ACER1: variants seen among roughly 807,000 people sequenced by gnomAD.
ACER1 encodes the protein alkaline ceramidase 1.
Under a neutral mutation model 24.9 loss-of-function variants are expected in ACER1, and 28 were observed. The observed-to-expected ratio is 1.13, with a 90% CI of 0.83 to 1.54. The LOEUF is 1.54. ACER1 is among the 40% of genes most tolerant of loss of function. The pLI is 0.00. For synonymous variants in ACER1, 132 were observed against 131.4 expected, an observed-to-expected ratio of 1.00 and a Z score of -0.03; for missense variants, 352 against 349.3, an observed-to-expected ratio of 1.01 and a Z score of -0.06.
the ACER1 span, among the ~76,000 whole-genome samples, chr19:6,355,857 G>GC: frequency 2.7e-5 from 4 of 147,472 alleles, no homozygotes; most frequent in South Asian, 2.1e-4. Flanking sequence ...GGGGGGGTCA[G>GC]CCCCCCGCCC....
intron 1 of ACER1, among the ~76,000 whole-genome samples, chr19:6,329,951 AG>A (rs2091679448): frequency 6.6e-6 from 1 of 150,796 alleles, no homozygotes; most frequent in African/African-American, 2.4e-5. Context: ...GCTCACTGCA[AG>A]TTCCACCTAC....
chr19:6,318,790 A>G (rs11666057), intron 1 of ACER1, among the ~76,000 whole-genome samples: 1 of 19,654 alleles, frequency 5.1e-5, no homozygotes, highest in African/African-American at 1.6e-4. Context: ...CGTTTCAAAA[A>G]AAATAAATAA....
chr19:6,319,345 G>A (rs913865442), intron 1 of ACER1, among the ~76,000 whole-genome samples: 12 of 151,964 alleles, frequency 7.9e-5, no homozygotes, highest in African/African-American at 2.2e-4. Flanking sequence ...CAGCCCCCAC[G>A]TTCCCTGCTT....
chr19:6,352,249 T>C, the ACER1 span, among the ~76,000 whole-genome samples: 9,071 of 152,106 alleles, frequency 0.06, 391 homozygotes, highest in African/African-American at 0.12. Flanking sequence ...TGGGTTGGGC[T>C]ATGTGACTTG....
At chr19:6,327,559 C>T (rs916141047) in intron 1 of ACER1, among the ~76,000 whole-genome samples, 19 of 150,158 alleles carry the variant, frequency 1.3e-4, no homozygotes, top group African/African-American at 4.4e-4. Flanking sequence ...AGCGAGACTC[C>T]GTCTCAAAAT....
intron 1 of ACER1, among the ~76,000 whole-genome samples, chr19:6,316,630 C>G (rs2091604422): frequency 6.6e-6 from 1 of 151,816 alleles, no homozygotes; most frequent in Admixed American, 6.6e-5. Context: ...ACCAGCCTGG[C>G]CAACATGGTG....
the ACER1 span, among the ~76,000 whole-genome samples, chr19:6,347,109 A>AAAAAAAATATATATAT: frequency 2.6e-4 from 30 of 113,762 alleles, no homozygotes; most frequent in African/African-American, 1.5e-3. Flanking sequence ...AAAAAAAAAA[A>AAAAAAAATATATATAT]ATATATATAT....
the ACER1 span, among the ~76,000 whole-genome samples, chr19:6,359,309 A>C: frequency 5.5e-4 from 81 of 148,252 alleles, no homozygotes; most frequent in African/African-American, 2.0e-3. Context: ...GTCTCTCTGA[A>C]TCTGCTGTGA....
At chr19:6,333,686 G>A (rs2145022621), upstream of ACER1, 1 of 667,222 alleles carries the variant, frequency 1.5e-6, no homozygotes, top group South Asian at 1.9e-5. Context: ...AAAACCTGCT[G>A]GGCCGCTCCC....
intron 1 of ACER1, among the ~76,000 whole-genome samples, chr19:6,332,826 G>A (rs781168596): frequency 4.6e-5 from 7 of 151,904 alleles, no homozygotes; most frequent in Non-Finnish European, 1.0e-4. Context: ...GCCTGACACC[G>A]TACCCAGCTA....
chr19:6,316,689 G>T (rs1238806057), intron 1 of ACER1, among the ~76,000 whole-genome samples: 1 of 151,610 alleles, frequency 6.6e-6, no homozygotes, highest in South Asian at 2.1e-4. Flanking sequence ...GCATGGTGGT[G>T]CATGCCTATA....
chr19:6,316,617 G>A (rs1472685812), intron 1 of ACER1, among the ~76,000 whole-genome samples: 1 of 151,868 alleles, frequency 6.6e-6, no homozygotes, highest in South Asian at 2.1e-4. Context: ...CCAAGAGTTC[G>A]AGACCAGCCT....
Position 6,312,495 on chromosome 19 carries a change from G to C in ACER1, c.98C>G (p.Ser33Cys). 1 of 1,613,258 alleles carries C rather than the reference G, an allele frequency of 6.2e-7. No homozygotes were observed. The highest frequency in any genetic ancestry group is 1.7e-4 in the Middle Eastern group (1 of 6,056). Reference protein sequence around the residue: ...ELVAEFYNTFSNIPFFIFGPL... With the variant: ...ELVAEFYNTFCNIPFFIFGPL... ...CCCGAAGATGAAGAAGGGGATATTG[G>C]AGAACTGGAGCAGAGAGAGCCATAG... The change falls in exon 2 of 6, where the codon TCC becomes TGC. Residue 33 changes from serine to cysteine, a missense_variant. Coordinates refer to ENST00000301452, the MANE Select transcript of ACER1 (RefSeq NM_133492.3).
At chr19:6,328,718 G>A (rs1279461290) in intron 1 of ACER1, among the ~76,000 whole-genome samples, 3 of 151,862 alleles carry the variant, frequency 2.0e-5, no homozygotes, top group Non-Finnish European at 4.4e-5. Context: ...ACAGGCTGGA[G>A]TGCAGTGGCA....
chr19:6,329,185 G>A (rs900772416), intron 1 of ACER1, among the ~76,000 whole-genome samples: 3 of 151,534 alleles, frequency 2.0e-5, no homozygotes, highest in Non-Finnish European at 2.9e-5. Context: ...AAATAAACAC[G>A]AAAAGAAAAA....
intron 1 of ACER1, among the ~76,000 whole-genome samples, chr19:6,329,372 A>AT (rs2091676949): frequency 6.6e-6 from 1 of 151,436 alleles, no homozygotes; most frequent in South Asian, 2.1e-4. Flanking sequence ...ATAGAATAGA[A>AT]TAGAATAGAA....
At chr19:6,318,962 G>C (rs1017936531) in intron 1 of ACER1, among the ~76,000 whole-genome samples, 1 of 151,300 alleles carries the variant, frequency 6.6e-6, no homozygotes, top group Non-Finnish European at 1.5e-5. Flanking sequence ...GTTTCTCTTC[G>C]CTTGTATCAG....
upstream of ACER1, among the ~76,000 whole-genome samples, chr19:6,334,443 C>G (rs1600246813): frequency 6.6e-6 from 1 of 152,054 alleles, no homozygotes. Flanking sequence ...CTCCTGGGTT[C>G]AAGCGATTCT....
intron 3 of ACER1, 27 bp from the exon 4 acceptor site, chr19:6,309,861 G>A: frequency 6.2e-7 from 1 of 1,613,414 alleles, no homozygotes; most frequent in Non-Finnish European, 8.5e-7. Flanking sequence ...TCAGCTGTAG[G>A]CGGGAAGGGA....
Sources: gnomAD v4.1 joint callset for allele counts (sites outside exome capture counted in the v4.1 genomes callset) on GRCh38, gnomAD v4.1.1 for gene constraint, MANE v1.5 for transcripts, NCBI Gene and HGNC (gene_info 2026-07-23, HGNC 2026-07-21) for gene names.